ACSF3: variants seen among roughly 807,000 people sequenced by gnomAD.
The protein encoded by ACSF3 is malonate--CoA ligase ACSF3, mitochondrial.
In ACSF3, 78 loss-of-function variants were observed where a neutral mutation model predicts 53.2. That is an observed-to-expected ratio of 1.47 (90% confidence interval 1.22 to 1.77). The LOEUF is 1.77. ACSF3 is among the 40% of genes most tolerant of loss of function. The probability of loss-of-function intolerance (pLI) is 0.00; values close to 1 mark genes in which losing one functional copy is unlikely to be tolerated. For missense variants in ACSF3, 937 were observed against 771.1 expected, an observed-to-expected ratio of 1.22 and a Z score of -2.55; for synonymous variants, 414 against 333.1, an observed-to-expected ratio of 1.24 and a Z score of -2.65.
intron 10 of ACSF3, chr16:89,149,754 G>A (rs537255737): frequency 4.6e-5 from 7 of 152,254 alleles, no homozygotes; most frequent in Non-Finnish European, 8.8e-5. Flanking sequence ...GGGGCAGGCT[G>A]TAGGTAGCAC....
intron 5 of ACSF3, 80 bp downstream of exon 5, chr16:89,112,326 T>A: frequency 6.4e-7 from 1 of 1,566,766 alleles, no homozygotes; most frequent in Non-Finnish European, 8.8e-7. Flanking sequence ...AAATCACTCC[T>A]ACTAAGTTCT....
intron 6 of ACSF3, among the ~76,000 whole-genome samples, chr16:89,120,423 A>G (rs1906345822): frequency 2.0e-5 from 3 of 152,208 alleles, no homozygotes; most frequent in African/African-American, 7.2e-5. Context: ...CTGGCCAGCA[A>G]GTGTGTAAAA....
rs1909706587 is a variant in ACSF3 at position 89,133,229 on chromosome 16, A to G, written c.1333A>G (p.Ser445Gly). 1 of 1,613,998 alleles carries G rather than the reference A, an allele frequency of 6.2e-7. No homozygotes were observed. The highest frequency in any genetic ancestry group is 8.5e-7 in the Non-Finnish European group (1 of 1,180,018). ...CTGGAATAAACCAGAAGAAACTAAG[A>G]GTGCATTCACCCTGGATGGCTGGTT... is the stretch of plus-strand genomic sequence containing the variant. ...EYWNKPEETK[S>G]AFTLDGWFKT... The change falls in exon 8 of 11, where the codon AGT becomes GGT. Residue 445 changes from serine (S) to glycine (G), a missense_variant. Ser to Gly is a moderately conservative substitution (Grantham distance 56). Transcript: ENST00000614302.
chr16:89,145,874 A>T lies in ACSF3; in HGVS notation c.1502-64A>T, dbSNP rs60881405. ...CTGCGCTCTTCCTGTGTGTCCAGGC[A>T]CTCTTCGGCCTGTAAGGGTCACTGA... On this transcript the variant is annotated intron_variant, in intron 9 of 10. Transcript: ENST00000614302. 0.022 allele frequency: 30,117 copies of T among 1,389,974 alleles called. 830 individuals are homozygous for T. The highest frequency in any genetic ancestry group is 0.11 in the East Asian group (5,041 of 43,842). 86.1% of individuals were successfully genotyped at this position (1,389,974 alleles called of 1,614,324 possible).
At chr16:89,108,054 G>A (rs983984880) in intron 4 of ACSF3, among the ~76,000 whole-genome samples, 6 of 152,128 alleles carry the variant, frequency 3.9e-5, no homozygotes, top group Admixed American at 2.6e-4. Context: ...AAGCAAAAGC[G>A]GAAACCCTTG....
intron 7 of ACSF3, among the ~76,000 whole-genome samples, chr16:89,122,994 C>G (rs1432271150): frequency 6.6e-6 from 1 of 152,206 alleles, no homozygotes; most frequent in Non-Finnish European, 1.5e-5. Context: ...GCCTCTGCGA[C>G]AGGCATGCAG....
At chr16:89,152,207 G>T (rs1306331772) in intron 10 of ACSF3, 1 of 152,328 alleles carries the variant, frequency 6.6e-6, no homozygotes, top group African/African-American at 2.4e-5. Context: ...TACACGTGGA[G>T]GTTGGGAGTG....
intron 10 of ACSF3, chr16:89,150,880 G>A (rs764698495): frequency 2.4e-6 from 2 of 843,312 alleles, no homozygotes; most frequent in Non-Finnish European, 3.3e-6. Flanking sequence ...CACCATGAAA[G>A]AAAGAAGAAC....
chr16:89,118,205 C>G (rs1243230074), intron 6 of ACSF3, among the ~76,000 whole-genome samples: 2 of 150,712 alleles, frequency 1.3e-5, no homozygotes, highest in African/African-American at 4.9e-5. Flanking sequence ...TCCCTCTTCT[C>G]TAAGGCAGAG....
chr16:89,121,043 T>C lies in ACSF3; in HGVS notation c.1239+130T>C, dbSNP rs1906529842. 6.3e-6 allele frequency: 5 copies of C among 789,020 alleles called. No individual in the cohort carries two copies. In the Admixed American group the frequency reaches 1.2e-4, roughly 18 times the overall value. 48.9% of individuals were successfully genotyped at this position (789,020 alleles called of 1,614,324 possible). A position where few individuals can be genotyped will look rare whatever the true frequency, so the allele number is the denominator to read the frequency against. ...CGCAGGGGACCAGCCCCCTGGACAC[T>C]GCAGGTGCTGGCTGGTGTTGCAAGG... On this transcript the variant is annotated intron_variant, in intron 7 of 10. Coordinates refer to ENST00000614302, the MANE Select transcript of ACSF3 (RefSeq NM_001243279.3).
intron 6 of ACSF3, among the ~76,000 whole-genome samples, chr16:89,115,552 G>A (rs1904978470): frequency 1.3e-5 from 2 of 152,260 alleles, no homozygotes; most frequent in South Asian, 4.1e-4. Context: ...TTGTGACCCT[G>A]TTTTAAGCAA....
At chr16:89,116,015 A>G (rs1905062404) in intron 6 of ACSF3, among the ~76,000 whole-genome samples, 1 of 152,198 alleles carries the variant, frequency 6.6e-6, no homozygotes, top group Non-Finnish European at 1.5e-5. Context: ...TTGTTTTGTG[A>G]ATTGTCTGAT....
At position 89,120,889 on chromosome 16, in the gene ACSF3, A is replaced by C. The variant is rs766100388; in HGVS notation, c.1215A>C (p.Ala405=). 6.2e-7 allele frequency: 1 copy of C among 1,613,900 alleles called. No homozygotes were observed. Among genetic ancestry groups the C allele is most frequent in the African/African-American group, 1.3e-5 (1 of 74,958 alleles). Residue 405 remains alanine, a synonymous_variant, in exon 7 of 11, where the codon GCA becomes GCC. Transcript: ENST00000614302. ...QREACSYTIH[A]EGDERGTKVT... is the part of the protein sequence containing the mutation. ...AAGCCTGCTCCTACACCATCCACGC[A>C]GAGGGAGACGAGAGGGGGACCAAGG...
intron 6 of ACSF3, among the ~76,000 whole-genome samples, chr16:89,118,555 G>C (rs1204915228): frequency 1.4e-5 from 1 of 70,374 alleles, no homozygotes; most frequent in Admixed American, 1.7e-4. Context: ...CACTGTCCGT[G>C]CTCGGAAGAG....
At chr16:89,112,306 T>C (rs1976790411) in intron 5 of ACSF3, 60 bp downstream of exon 5, 2 of 1,592,970 alleles carry the variant, frequency 1.3e-6, no homozygotes, top group Non-Finnish European at 1.7e-6. Context: ...AGATACGACT[T>C]ATTTCTAATA....
intron 10 of ACSF3, chr16:89,151,881 AC>A (rs1914134496): frequency 6.6e-6 from 1 of 152,338 alleles, no homozygotes; most frequent in South Asian, 2.1e-4. Context: ...TCCTGGAATT[AC>A]AAGCGTGAGC....
At chr16:89,100,109 C>G (rs1187972019) in intron 2 of ACSF3, among the ~76,000 whole-genome samples, 2 of 152,244 alleles carry the variant, frequency 1.3e-5, no homozygotes, top group East Asian at 1.9e-4. Context: ...TCACTACACT[C>G]CAGCCTGGGC....
chr16:89,138,689 C>T (rs1911117191), intron 8 of ACSF3, among the ~76,000 whole-genome samples: 1 of 152,160 alleles, frequency 6.6e-6, no homozygotes, highest in African/African-American at 2.4e-5. Context: ...CCTGCAGGTG[C>T]CAAGCTGACT....
At chr16:89,113,014 C>G (rs1319135282) in intron 5 of ACSF3, among the ~76,000 whole-genome samples, 1 of 152,252 alleles carries the variant, frequency 6.6e-6, no homozygotes, top group East Asian at 1.9e-4. Flanking sequence ...TTGCTCTGCA[C>G]TCTCCCATGA....
Sources: allele counts gnomAD v4.1 joint callset (sites outside exome capture counted in the v4.1 genomes callset), GRCh38; gene constraint gnomAD v4.1.1; transcripts MANE v1.5; gene names NCBI Gene and HGNC (gene_info 2026-07-23, HGNC 2026-07-21).